LSAMP: variants seen among roughly 807,000 people sequenced by gnomAD.
LSAMP encodes limbic system-associated membrane protein.
In LSAMP, 7 loss-of-function variants were observed where a neutral mutation model predicts 38.6. That is an observed-to-expected ratio of 0.18 (90% CI 0.10 to 0.34). LSAMP has a LOEUF of 0.34. Ranked by LOEUF, LSAMP falls within the 10% of genes least tolerant of loss-of-function variation. The pLI is 1.00. For synonymous variants in LSAMP, 154 were observed against 166.8 expected (o/e 0.92, Z 0.59); for missense variants, 313 against 420.0 (o/e 0.75, Z 2.23).
chr3:116,301,802 A>G (rs564170866), intron 1 of LSAMP, among the ~76,000 whole-genome samples: 2 of 151,996 alleles, frequency 1.3e-5, no homozygotes, highest in African/African-American at 4.8e-5. Context: ...GTTTTTTTCT[A>G]TAGATAGAGC....
rs754064532 is a variant in LSAMP at position 116,164,761 on chromosome 3, T to TATTA, written c.156-78206_156-78205insTAAT. On this transcript the variant is annotated intron_variant, in intron 1 of 6. Transcript: ENST00000490035. ...ATATATCCATATATATATATATATA[T>TATTA]TTTTTTTTTTTTTCAAGTAGCATCT... Among the ~76,000 whole-genome samples the TATTA allele has an allele frequency of 4.9e-5, 2 of 41,130 alleles. 1 individual carries two copies. The highest frequency in any genetic ancestry group is 1.0e-4 in the Non-Finnish European group (2 of 19,942). The allele number at this position is 41,130 out of a possible 152,430, so 27.0% of individuals were successfully genotyped here.
intron 1 of LSAMP, among the ~76,000 whole-genome samples, chr3:116,143,116 C>T (rs1300462735): frequency 2.6e-5 from 4 of 151,134 alleles, no homozygotes; most frequent in African/African-American, 7.3e-5. Flanking sequence ...TATTGGATAG[C>T]ATTCGTATTC....
chr3:115,851,145 T>A (rs1182250959), intron 4 of LSAMP, among the ~76,000 whole-genome samples: 1 of 152,114 alleles, frequency 6.6e-6, no homozygotes, highest in Non-Finnish European at 1.5e-5. Flanking sequence ...AGCTAATTTT[T>A]GTATTTTTAG....
chr3:116,315,229 C>A (rs2047612906), intron 1 of LSAMP, among the ~76,000 whole-genome samples: 1 of 152,166 alleles, frequency 6.6e-6, no homozygotes, highest in South Asian at 2.1e-4. Flanking sequence ...CTCCAAGATG[C>A]ACTCAGAGGC....
At chr3:115,911,000 C>T (rs146815678) in intron 3 of LSAMP, among the ~76,000 whole-genome samples, 38 of 152,196 alleles carry the variant, frequency 2.5e-4, no homozygotes, top group Middle Eastern at 6.8e-3. Flanking sequence ...ATTATAAATC[C>T]TTGAGAAGAT....
intron 1 of LSAMP, among the ~76,000 whole-genome samples, chr3:116,244,844 C>T (rs548468960): frequency 6.6e-6 from 1 of 152,234 alleles, no homozygotes; most frequent in African/African-American, 2.4e-5. Context: ...TTGATCTTAC[C>T]TCAGAAATAT....
chr3:116,350,739 TCTTTA>T (rs1211047413), intron 1 of LSAMP, among the ~76,000 whole-genome samples: 1 of 151,996 alleles, frequency 6.6e-6, no homozygotes, highest in Non-Finnish European at 1.5e-5. Flanking sequence ...AGGTGAAAGT[TCTTTA>T]CTTAATAAGA....
chr3:115,970,430 T>G lies in LSAMP; in HGVS notation c.514+49085A>C, dbSNP rs77910644. Among the ~76,000 whole-genome samples, 160 of 152,302 alleles carry G rather than the reference T, an allele frequency of 1.1e-3. 1 individual carries two copies. Among genetic ancestry groups the G allele is most frequent in the Middle Eastern group, 6.8e-3 (2 of 294 alleles). On this transcript the variant is annotated intron_variant, in intron 3 of 6. Transcript: ENST00000490035. ...ATACTGCCTAGCTGGTGTTTTCCCC[T>G]TGGCAGTATGTCTGTACCAATCAGT...
intron 3 of LSAMP, among the ~76,000 whole-genome samples, chr3:115,899,465 A>C (rs1245370924): frequency 2.0e-5 from 3 of 152,182 alleles, no homozygotes; most frequent in Admixed American, 6.6e-5. Context: ...TGAATAAGAG[A>C]AAGGTACTTT....
chr3:116,059,111 G>A (rs377667955), intron 2 of LSAMP, among the ~76,000 whole-genome samples: 17 of 152,180 alleles, frequency 1.1e-4, no homozygotes, highest in African/African-American at 3.6e-4. Context: ...TAAATCTCCA[G>A]AGATTAAAAT....
chr3:116,224,852 T>G (rs2046325571), intron 1 of LSAMP, among the ~76,000 whole-genome samples: 1 of 152,374 alleles, frequency 6.6e-6, no homozygotes, highest in South Asian at 2.1e-4. Flanking sequence ...TGACTCTCTA[T>G]TTTGGTCACC....
intron 1 of LSAMP, among the ~76,000 whole-genome samples, chr3:116,094,804 TA>T (rs1164810891): frequency 6.6e-6 from 1 of 152,240 alleles, no homozygotes; most frequent in Non-Finnish European, 1.5e-5. Context: ...GGAACACAGA[TA>T]AGTCTTTTAA....
intron 1 of LSAMP, among the ~76,000 whole-genome samples, chr3:116,130,397 G>T (rs1304136208): frequency 6.6e-6 from 1 of 152,178 alleles, no homozygotes; most frequent in Non-Finnish European, 1.5e-5. Context: ...ACAAAAGTAG[G>T]TAGCCAAAGT....
chr3:116,268,143 A>G (rs2046916867), intron 1 of LSAMP, among the ~76,000 whole-genome samples: 1 of 152,134 alleles, frequency 6.6e-6, no homozygotes, highest in Non-Finnish European at 1.5e-5. Flanking sequence ...AACTAAATCT[A>G]ATCCTAACAC....
intron 3 of LSAMP, among the ~76,000 whole-genome samples, chr3:115,906,971 T>C (rs1937022246): frequency 6.6e-6 from 1 of 152,182 alleles, no homozygotes; most frequent in African/African-American, 2.4e-5. Context: ...ACAACAATCC[T>C]AATAACCTAA....
intron 1 of LSAMP, among the ~76,000 whole-genome samples, chr3:116,307,802 AT>A (rs1322869228): frequency 1.3e-5 from 2 of 151,954 alleles, no homozygotes; most frequent in African/African-American, 4.8e-5. Flanking sequence ...ACATTATAAA[AT>A]TGACTATACA....
At chr3:116,119,979 C>T (rs537430415) in intron 1 of LSAMP, among the ~76,000 whole-genome samples, 1 of 152,066 alleles carries the variant, frequency 6.6e-6, no homozygotes, top group Non-Finnish European at 1.5e-5. Context: ...ATTTAGTTTA[C>T]CTTTATAAAG....
intron 3 of LSAMP, among the ~76,000 whole-genome samples, chr3:115,901,210 T>C (rs987549886): frequency 3.9e-5 from 6 of 152,086 alleles, no homozygotes; most frequent in African/African-American, 7.2e-5. Flanking sequence ...CTGTCAGTTA[T>C]GGCAGCCAAG....
At chr3:115,833,900 T>C (rs1934700043) in intron 6 of LSAMP, among the ~76,000 whole-genome samples, 1 of 152,154 alleles carries the variant, frequency 6.6e-6, no homozygotes, top group African/African-American at 2.4e-5. Flanking sequence ...AGCTAGAAAG[T>C]TGTGGCTGCA....
Sources: allele counts gnomAD v4.1 joint callset (sites outside exome capture counted in the v4.1 genomes callset), GRCh38; gene constraint gnomAD v4.1.1; transcripts MANE v1.5; gene names NCBI Gene and HGNC (gene_info 2026-07-23, HGNC 2026-07-21).